HGF: variants seen among roughly 807,000 people sequenced by gnomAD.
HGF encodes the protein hepatocyte growth factor.
Under a neutral mutation model 111.6 loss-of-function variants are expected in HGF, and 39 were observed. That is an observed-to-expected ratio of 0.35 (90% CI 0.27 to 0.46). HGF has a LOEUF of 0.46. HGF is among the 20% of genes least tolerant of loss of function. The probability of loss-of-function intolerance (pLI) is 1.00; values close to 1 mark genes in which losing one functional copy is unlikely to be tolerated. For missense variants in HGF, 735 were observed against 910.5 expected, an observed-to-expected ratio of 0.81 and a Z score of 2.48; for synonymous variants, 285 against 294.8, an observed-to-expected ratio of 0.97 and a Z score of 0.34.
intron 8 of HGF, among the ~76,000 whole-genome samples, chr7:81,728,833 T>C (rs1241228373): frequency 6.6e-6 from 1 of 152,220 alleles, no homozygotes; most frequent in Non-Finnish European, 1.5e-5. Flanking sequence ...ATATATGTTA[T>C]TTATAGGTGC....
intron 8 of HGF, among the ~76,000 whole-genome samples, chr7:81,727,039 T>TG: frequency 1.2e-5 from 1 of 82,274 alleles, no homozygotes; most frequent in East Asian, 3.8e-4. Context: ...GAAACTGAGG[T>TG]TTTTTTTTTG....
At chr7:81,756,135 G>A (rs1028007828) in intron 4 of HGF, 21 of 686,686 alleles carry the variant, frequency 3.1e-5, no homozygotes, top group Admixed American at 6.2e-5. Context: ...TGTTAAAAGC[G>A]CAGGTTATAG....
Position 81,710,003 on chromosome 7 carries a change from T to TA in HGF, c.1541+143_1541+144insT, listed in dbSNP as rs1789529830. 4 of 679,338 alleles carry TA rather than the reference T, an allele frequency of 5.9e-6. No individual in the cohort carries two copies. The East Asian group carries it at 1.1e-4, about 18-fold the overall frequency. 42.1% of individuals were successfully genotyped at this position (679,338 alleles called of 1,614,324 possible). On this transcript the variant is annotated intron_variant, in intron 13 of 17. Coordinates refer to ENST00000222390, the MANE Select transcript of HGF (RefSeq NM_000601.6). ...CAGAGCTTACAGTCTGGCAAGCAGA[T>TA]GTGATCAGCTTCCTCTTTTACTGCC...
At chr7:81,731,419 T>C (rs1787651727) in intron 7 of HGF, among the ~76,000 whole-genome samples, 1 of 152,174 alleles carries the variant, frequency 6.6e-6, no homozygotes, top group African/African-American at 2.4e-5. Flanking sequence ...TGAGAGCTGA[T>C]AGCCTAGAGA....
intron 2 of HGF, 51 bp downstream of exon 2, chr7:81,762,656 A>C: frequency 8.2e-7 from 1 of 1,226,986 alleles, no homozygotes; most frequent in Non-Finnish European, 1.2e-6. Flanking sequence ...ATTATAATAC[A>C]TGCATGCTAT....
intron 7 of HGF, among the ~76,000 whole-genome samples, chr7:81,735,040 C>T (rs1047417025): frequency 8.6e-5 from 13 of 152,002 alleles, no homozygotes; most frequent in African/African-American, 3.1e-4. Flanking sequence ...GAAGGTCCCT[C>T]GGGATTGAGA....
intron 7 of HGF, among the ~76,000 whole-genome samples, chr7:81,738,847 G>A (rs957943099): frequency 2.0e-5 from 3 of 152,138 alleles, no homozygotes; most frequent in Admixed American, 6.6e-5. Flanking sequence ...GTGTTTATTT[G>A]ACATATAATA....
chr7:81,720,655 G>T (rs1789828874), intron 10 of HGF, 90 bp downstream of exon 10: 2 of 767,400 alleles, frequency 2.6e-6, no homozygotes, highest in South Asian at 1.5e-5. Flanking sequence ...ATATATAAAA[G>T]AATAGAAAGA....
At chr7:81,760,999 A>T (rs1031467945) in intron 2 of HGF, among the ~76,000 whole-genome samples, 1 of 152,126 alleles carries the variant, frequency 6.6e-6, no homozygotes, top group Non-Finnish European at 1.5e-5. Flanking sequence ...TGAAAATTGA[A>T]TGGTAGCAAT....
At chr7:81,764,139 C>A (rs1409814076) in intron 1 of HGF, among the ~76,000 whole-genome samples, 1 of 152,010 alleles carries the variant, frequency 6.6e-6, no homozygotes, top group African/African-American at 2.4e-5. Context: ...TTTGTGTGCA[C>A]AAAATTTGGA....
intron 3 of HGF, among the ~76,000 whole-genome samples, chr7:81,757,954 G>T (rs1011818871): frequency 5.3e-5 from 8 of 151,588 alleles, no homozygotes; most frequent in African/African-American, 1.9e-4. Context: ...GGTGTATAAA[G>T]ATTAACTTAC....
rs1418356179 is a variant in HGF, at chr7:81,702,013, C to T, written c.*568G>A. The T allele has an allele frequency of 5.6e-6, 1 of 177,022 alleles. No homozygotes were observed. The highest frequency in any genetic ancestry group is 1.2e-5 in the Non-Finnish European group (1 of 82,550). 11.0% of individuals were successfully genotyped at this position (177,022 alleles called of 1,614,324 possible). A position where few individuals can be genotyped will look rare whatever the true frequency, so the allele number is the denominator to read the frequency against. On this transcript the variant is annotated 3_prime_UTR_variant, in exon 18 of 18. Transcript: ENST00000222390. ...CATAATTTAAACTGTAGTGCATGCA[C>T]ATGTGTACCTAGGCATGTGTACATG... is the stretch of plus-strand genomic sequence containing the variant.
At chr7:81,723,234 A>G (rs1476838248) in intron 9 of HGF, among the ~76,000 whole-genome samples, 1 of 152,204 alleles carries the variant, frequency 6.6e-6, no homozygotes, top group Non-Finnish European at 1.5e-5. Context: ...AATGGTGAGT[A>G]GAAAGTAGAA....
At position 81,702,048 on chromosome 7, in the gene HGF, T is replaced by C. The variant is rs958797407; in HGVS notation, c.*533A>G. 1 of 179,788 alleles carries C rather than the reference T, an allele frequency of 5.6e-6. No homozygotes were observed. The highest frequency in any genetic ancestry group is 2.6e-5 in the African/African-American group (1 of 38,346). 11.1% of individuals were successfully genotyped at this position (179,788 alleles called of 1,614,324 possible). A position where few individuals can be genotyped will look rare whatever the true frequency, so the allele number is the denominator to read the frequency against. ...TAGGCATGTGTACATGGGTATGTGG[T>C]TTTGTAAAAAGTGTGTTCGTGTACC... On this transcript the variant is annotated 3_prime_UTR_variant, in exon 18 of 18. Coordinates refer to ENST00000222390, the MANE Select transcript of HGF (RefSeq NM_000601.6).
intron 4 of HGF, chr7:81,756,087 G>A (rs1479471459): frequency 1.4e-6 from 1 of 700,786 alleles, no homozygotes; most frequent in African/African-American, 1.7e-5. Context: ...TCACAGCATG[G>A]GTTCTACTGA....
chr7:81,741,966 A>G (rs939193589), intron 7 of HGF, among the ~76,000 whole-genome samples: 4 of 144,620 alleles, frequency 2.8e-5, no homozygotes, highest in Non-Finnish European at 6.1e-5. Flanking sequence ...AAAAAAGAGT[A>G]CCTAAACCAC....
rs1789405988 is a variant in HGF at position 81,705,707 on chromosome 7, A to C, written c.1804T>G (p.Tyr602Asp). 6.2e-7 allele frequency: 1 copy of C among 1,612,464 alleles called. No individual in the cohort carries two copies. The highest frequency in any genetic ancestry group is 1.7e-5 in the Admixed American group (1 of 59,808). Residue 602 changes from tyrosine (Y) to aspartate (D), a missense_variant, in exon 16 of 18, where the codon TAT (tyrosine) becomes GAT (aspartate). Transcript: ENST00000222390. ...GTCTTTTCAGGAATTGTGCATCCAT[A>C]ATTAGGTAAATCAATCGTACTAACA... is the stretch of plus-strand genomic sequence containing the variant. ...DFVSTIDLPNYGCTIPEKTSC... is the reference protein window; with the variant it reads ...DFVSTIDLPNDGCTIPEKTSC...
chr7:81,764,871 T>C (rs763603034), intron 1 of HGF, among the ~76,000 whole-genome samples: 2 of 152,078 alleles, frequency 1.3e-5, no homozygotes, highest in Admixed American at 6.6e-5. Flanking sequence ...TATTACACTA[T>C]TTCTAAGGTG....
chr7:81,735,724 G>A (rs1017600539), intron 7 of HGF, among the ~76,000 whole-genome samples: 1 of 151,980 alleles, frequency 6.6e-6, no homozygotes, highest in Non-Finnish European at 1.5e-5. Context: ...CCATAACAAG[G>A]CTGCAGATTT....
Sources: allele counts gnomAD v4.1 joint callset (sites outside exome capture counted in the v4.1 genomes callset), GRCh38; gene constraint gnomAD v4.1.1; transcripts MANE v1.5; gene names NCBI Gene and HGNC (gene_info 2026-07-23, HGNC 2026-07-21).